ERC2: variants seen among roughly 807,000 people sequenced by gnomAD.
The protein encoded by ERC2 is ELKS/RAB6-interacting/CAST family member 2.
In ERC2, 42 loss-of-function variants were observed where a neutral mutation model predicts 114.8. That is an observed-to-expected ratio of 0.37 (90% CI 0.29 to 0.47). The LOEUF (loss-of-function observed/expected upper bound fraction) is 0.47, where lower values mean the gene tolerates loss of function less well. Ranked by LOEUF, ERC2 falls within the 20% of genes least tolerant of loss-of-function variation. The pLI is 0.99. For missense variants in ERC2, 939 were observed against 1,150.7 expected (o/e 0.82, Z 2.66); for synonymous variants, 454 against 425.5 (o/e 1.07, Z -0.82).
At chr3:56,213,474 G>A (rs572472237) in intron 3 of ERC2, among the ~76,000 whole-genome samples, 11 of 152,170 alleles carry the variant, frequency 7.2e-5, no homozygotes, top group Non-Finnish European at 1.0e-4. Flanking sequence ...GGGGAGGGGC[G>A]CCCACCATTG....
At chr3:55,764,209 C>G (rs956575700) in intron 14 of ERC2, among the ~76,000 whole-genome samples, 2 of 152,232 alleles carry the variant, frequency 1.3e-5, no homozygotes, top group African/African-American at 4.8e-5. Context: ...TGAAGATGGA[C>G]AATTTTAACT....
At chr3:56,160,018 A>G (rs1032307811) in intron 4 of ERC2, among the ~76,000 whole-genome samples, 1 of 152,080 alleles carries the variant, frequency 6.6e-6, no homozygotes, top group Non-Finnish European at 1.5e-5. Context: ...CCTTTGGGTA[A>G]TGGGATTGCT....
intron 17 of ERC2, among the ~76,000 whole-genome samples, chr3:55,563,328 CTT>C (rs57775830): frequency 0.03 from 4,186 of 138,678 alleles, 100 homozygotes; most frequent in African/African-American, 0.075. Flanking sequence ...AGTGTCTTTC[CTT>C]TTTTTTTTTT....
At chr3:55,889,947 C>A (rs1017909303) in intron 13 of ERC2, among the ~76,000 whole-genome samples, 1 of 152,022 alleles carries the variant, frequency 6.6e-6, no homozygotes, top group Non-Finnish European at 1.5e-5. Context: ...TTCAGAAAAC[C>A]CTTCATTTTG....
At chr3:56,227,913 T>C (rs1285550819) in intron 3 of ERC2, among the ~76,000 whole-genome samples, 1 of 152,208 alleles carries the variant, frequency 6.6e-6, no homozygotes, top group Non-Finnish European at 1.5e-5. Context: ...TTGTGGTATA[T>C]TCACATAATG....
intron 14 of ERC2, among the ~76,000 whole-genome samples, chr3:55,771,719 C>CCAT (rs2068218643): frequency 6.6e-6 from 1 of 152,178 alleles, no homozygotes; most frequent in Non-Finnish European, 1.5e-5. Flanking sequence ...TCCCATTGCA[C>CCAT]TGAGGCGAGA....
At chr3:56,017,453 T>C (rs1485696001) in intron 8 of ERC2, among the ~76,000 whole-genome samples, 2 of 152,166 alleles carry the variant, frequency 1.3e-5, no homozygotes, top group Admixed American at 1.3e-4. Context: ...ACCCTCAGGA[T>C]GGCATCCCAT....
At chr3:55,539,415 C>CTTTCTTTTTTTTTTTTTTT (rs2054227982) in intron 17 of ERC2, among the ~76,000 whole-genome samples, 1 of 39,090 alleles carries the variant, frequency 2.6e-5, no homozygotes. Flanking sequence ...TTTTTTCTTT[C>CTTTCTTTTTTTTTTTTTTT]TTTTTTTTTT....
intron 12 of ERC2, among the ~76,000 whole-genome samples, chr3:55,977,332 C>T (rs201225429): frequency 6.7e-6 from 1 of 149,256 alleles, no homozygotes; most frequent in South Asian, 2.1e-4. Context: ...ACCTGCATAA[C>T]AAAAACCACC....
intron 6 of ERC2, among the ~76,000 whole-genome samples, chr3:56,115,355 T>C (rs2079169581): frequency 6.6e-6 from 1 of 152,126 alleles, no homozygotes; most frequent in African/African-American, 2.4e-5. Context: ...CTCCAGCCCC[T>C]ATCCCCTCCT....
chr3:55,595,551 G>C (rs2058088375), intron 17 of ERC2, among the ~76,000 whole-genome samples: 1 of 152,198 alleles, frequency 6.6e-6, no homozygotes, highest in African/African-American at 2.4e-5. Flanking sequence ...GTGACAGAAA[G>C]ATTTCTCCCA....
At chr3:55,631,775 CCA>C (rs1473049085) in intron 17 of ERC2, among the ~76,000 whole-genome samples, 2 of 152,144 alleles carry the variant, frequency 1.3e-5, no homozygotes, top group Non-Finnish European at 2.9e-5. Context: ...ACTCTCAAAT[CCA>C]CACTGTTGGC....
intron 17 of ERC2, among the ~76,000 whole-genome samples, chr3:55,624,370 T>A (rs1229510644): frequency 6.6e-6 from 1 of 152,094 alleles, no homozygotes; most frequent in African/African-American, 2.4e-5. Flanking sequence ...GAACTGACAA[T>A]GTGTCGCCAC....
intron 17 of ERC2, among the ~76,000 whole-genome samples, chr3:55,554,218 C>T (rs2055433896): frequency 6.6e-6 from 1 of 152,108 alleles, no homozygotes; most frequent in South Asian, 2.1e-4. Flanking sequence ...TTTCCTGGGC[C>T]CCAGTTGTTC....
intron 17 of ERC2, among the ~76,000 whole-genome samples, chr3:55,584,231 C>G (rs569029417): frequency 1.3e-5 from 2 of 152,276 alleles, no homozygotes; most frequent in South Asian, 4.1e-4. Flanking sequence ...CTGGGCCTGC[C>G]CCTTCTTGGG....
chr3:55,562,100 G>A (rs1426596622), intron 17 of ERC2, among the ~76,000 whole-genome samples: 3 of 152,280 alleles, frequency 2.0e-5, no homozygotes, highest in African/African-American at 7.2e-5. Context: ...ATACCTCAAG[G>A]CAATAGGTCC....
At chr3:56,453,080 A>G (rs1221127985) in intron 1 of ERC2, among the ~76,000 whole-genome samples, 8 of 152,246 alleles carry the variant, frequency 5.3e-5, no homozygotes, top group Admixed American at 3.9e-4. Context: ...ACTTTAGCCC[A>G]TGCATTAAAT....
At position 56,003,709 on chromosome 3, in the gene ERC2, A is replaced by C. The variant is rs143270829; in HGVS notation, c.2061+3472T>G. On this transcript the variant is annotated intron_variant, in intron 10 of 17. Coordinates refer to ENST00000288221, the MANE Select transcript of ERC2 (RefSeq NM_015576.3). ...TGGGAAAAGAAGAAAAATTTAAATCAGCAGGACCAAAATACTGTATTATCC... is the reference window on the plus strand; with the variant it reads ...TGGGAAAAGAAGAAAAATTTAAATCCGCAGGACCAAAATACTGTATTATCC... 2.7e-3 allele frequency among the ~76,000 whole-genome samples: 415 copies of C among 152,242 alleles called. 5 individuals carry two copies. Among genetic ancestry groups the C allele is most frequent in the African/African-American group, 9.5e-3 (393 of 41,570 alleles).
chr3:55,669,785 C>T (rs1475986767), intron 17 of ERC2, among the ~76,000 whole-genome samples: 1 of 152,226 alleles, frequency 6.6e-6, no homozygotes, highest in Non-Finnish European at 1.5e-5. Context: ...AGCATGAAGT[C>T]TCCAGGGAGA....
Sources: gnomAD v4.1 joint callset for allele counts (sites outside exome capture counted in the v4.1 genomes callset) on GRCh38, gnomAD v4.1.1 for gene constraint, MANE v1.5 for transcripts, NCBI Gene and HGNC (gene_info 2026-07-23, HGNC 2026-07-21) for gene names.